MS4A4A: variants seen among roughly 807,000 people sequenced by gnomAD.
MS4A4A encodes the protein membrane spanning 4-domains A4A.
Under a neutral mutation model 28.0 loss-of-function variants are expected in MS4A4A, and 26 were observed. The ratio of observed to expected loss-of-function variants is 0.93; its 90% confidence interval spans 0.68 to 1.29. The LOEUF (loss-of-function observed/expected upper bound fraction) is 1.29, where lower values mean the gene tolerates loss of function less well. MS4A4A is among the 50% of genes most tolerant of loss of function. The pLI is 0.00. For synonymous variants in MS4A4A, 86 were observed against 100.8 expected (o/e 0.85, Z 0.88); for missense variants, 290 against 293.1 (o/e 0.99, Z 0.08).
chr11:60,284,344 T>C (rs1385368753), intron 1 of MS4A4A, among the ~76,000 whole-genome samples: 3 of 152,252 alleles, frequency 2.0e-5, no homozygotes, highest in African/African-American at 7.2e-5. Flanking sequence ...TACTCATTTC[T>C]GGCTTGAAGT....
chr11:60,295,915 T>C (rs1208269447), intron 2 of MS4A4A, among the ~76,000 whole-genome samples: 2 of 152,148 alleles, frequency 1.3e-5, no homozygotes, highest in African/African-American at 4.8e-5. Flanking sequence ...GATTTTTGCA[T>C]ATTTGTTCAT....
At chr11:60,294,503 T>C (rs946880116) in intron 2 of MS4A4A, among the ~76,000 whole-genome samples, 11 of 152,144 alleles carry the variant, frequency 7.2e-5, no homozygotes. Flanking sequence ...TTTGTGCCTT[T>C]GGTATCGTAT....
intron 2 of MS4A4A, among the ~76,000 whole-genome samples, chr11:60,292,709 C>T (rs73487293): frequency 6.6e-6 from 1 of 152,154 alleles, no homozygotes; most frequent in Non-Finnish European, 1.5e-5. Flanking sequence ...CCTTTACAGG[C>T]CTTCCTGATA....
chr11:60,308,097 T>G lies in MS4A4A; in HGVS notation c.649-10T>G. ...GGTGACTCACCTTTGGCATTCTGAT[T>G]GTTTCACAGGTTGTGTTAATTCTGC... On this transcript the variant is annotated splice_polypyrimidine_tract_variant and intron_variant, in intron 6 of 6. Coordinates refer to ENST00000337908, the MANE Select transcript of MS4A4A (RefSeq NM_148975.3). 6.2e-7 allele frequency: 1 copy of G among 1,613,804 alleles called. No homozygotes were observed.
At chr11:60,282,888 TACA>T in intron 1 of MS4A4A, 2 of 535,904 alleles carry the variant, frequency 3.7e-6, no homozygotes, top group South Asian at 4.5e-5. Context: ...TCATTCTGGC[TACA>T]ACATCAGTGG....
intron 1 of MS4A4A, among the ~76,000 whole-genome samples, chr11:60,287,385 T>C (rs970896714): frequency 6.6e-6 from 1 of 151,996 alleles, no homozygotes; most frequent in Non-Finnish European, 1.5e-5. Context: ...TTTTCAGGAG[T>C]CCACTCCTGT....
At chr11:60,293,739 C>T (rs572018982) in intron 2 of MS4A4A, among the ~76,000 whole-genome samples, 6 of 152,154 alleles carry the variant, frequency 3.9e-5, no homozygotes, top group South Asian at 4.2e-4. Context: ...TTTTAGATTG[C>T]GTTCTTTCAC....
rs75036816 is a variant in MS4A4A at position 60,292,266 on chromosome 11, A to G, written c.83A>G (p.Gln28Arg). The G allele has an allele frequency of 1.2e-3, 1,888 of 1,600,516 alleles. 17 individuals carry two copies. The African/African-American group carries it at 0.022, about 19-fold the overall frequency. ...ATGACAACCATGCAAGGAATGGAAC[A>G]GGCCATGCCAGGGGCTGGCCCTGGT... ...AAMTTMQGME[Q>R]AMPGAGPGVP... Residue 28 changes from glutamine to arginine, a missense_variant, in exon 2 of 7, where the codon CAG (glutamine) becomes CGG (arginine). Transcript: ENST00000337908.
At chr11:60,290,909 A>AT (rs879368913) in intron 1 of MS4A4A, among the ~76,000 whole-genome samples, 7 of 151,506 alleles carry the variant, frequency 4.6e-5, no homozygotes, top group African/African-American at 9.7e-5. Flanking sequence ...GAGTACAACA[A>AT]TTTTTTTTTC....
At chr11:60,299,465 T>TG (rs1157375195) in intron 3 of MS4A4A, among the ~76,000 whole-genome samples, 1 of 149,172 alleles carries the variant, frequency 6.7e-6, no homozygotes, top group Non-Finnish European at 1.5e-5. Context: ...TTTTTTTTTT[T>TG]TTGGTTTTTG....
intron 3 of MS4A4A, among the ~76,000 whole-genome samples, chr11:60,299,893 G>A (rs899372232): frequency 2.6e-5 from 4 of 151,894 alleles, no homozygotes; most frequent in African/African-American, 9.7e-5. Context: ...TTCATTAATT[G>A]TGTAAATTAG....
intron 2 of MS4A4A, among the ~76,000 whole-genome samples, chr11:60,292,640 A>G (rs2084867866): frequency 6.6e-6 from 1 of 152,202 alleles, no homozygotes; most frequent in Non-Finnish European, 1.5e-5. Flanking sequence ...ATTGTATTTA[A>G]ACTCAGTGTG....
At position 60,292,017 on chromosome 11, in the gene MS4A4A, T is replaced by G. The variant is rs1432554137; in HGVS notation, c.42-208T>G. On this transcript the variant is annotated intron_variant, in intron 1 of 6. Transcript: ENST00000337908. ...AGGATTTTCTAGCATCTTGATATCA[T>G]ATGACATTTAGTTTCTCTCCCACCT... 2.9e-5 allele frequency among the ~76,000 whole-genome samples: 3 copies of G among 101,962 alleles called. No individual in the cohort carries two copies. In the East Asian group the frequency reaches 8.1e-4, roughly 28 times the overall value. 66.9% of individuals were successfully genotyped at this position (101,962 alleles called of 152,430 possible). A position where few individuals can be genotyped will look rare whatever the true frequency, so the allele number is the denominator to read the frequency against.
intron 2 of MS4A4A, among the ~76,000 whole-genome samples, chr11:60,294,006 G>C (rs112949288): frequency 6.6e-6 from 1 of 152,158 alleles, no homozygotes; most frequent in Non-Finnish European, 1.5e-5. Flanking sequence ...GTAAGTAAGA[G>C]TACGTTTAGT....
At chr11:60,299,686 C>T (rs1590759297) in intron 3 of MS4A4A, among the ~76,000 whole-genome samples, 1 of 151,980 alleles carries the variant, frequency 6.6e-6, no homozygotes, top group African/African-American at 2.4e-5. Context: ...TGGTCTCGAT[C>T]TCCTGGTCTC....
intron 2 of MS4A4A, among the ~76,000 whole-genome samples, chr11:60,293,608 A>G (rs2084876379): frequency 6.6e-6 from 1 of 152,224 alleles, no homozygotes; most frequent in South Asian, 2.1e-4. Flanking sequence ...AGTGATATGA[A>G]TCTACCTTTG....
At chr11:60,307,268 A>G (rs757114938) in intron 6 of MS4A4A, among the ~76,000 whole-genome samples, 1 of 152,174 alleles carries the variant, frequency 6.6e-6, no homozygotes, top group Non-Finnish European at 1.5e-5. Context: ...CCTTCCTCAC[A>G]GAAGAGTGGG....
chr11:60,302,845 A>G, intron 5 of MS4A4A, 128 bp downstream of exon 5: 1 of 886,540 alleles, frequency 1.1e-6, no homozygotes, highest in Non-Finnish European at 1.7e-6. Context: ...TGATTGAGAA[A>G]TAGAATAATC....
chr11:60,280,888 G>T (rs1312571812), intron 1 of MS4A4A, among the ~76,000 whole-genome samples, 172 bp downstream of exon 1: 2 of 151,996 alleles, frequency 1.3e-5, no homozygotes, highest in Non-Finnish European at 2.9e-5. Context: ...GCATTCGGTG[G>T]GGGGATGAGG....
Sources: allele counts gnomAD v4.1 joint callset (sites outside exome capture counted in the v4.1 genomes callset), GRCh38; gene constraint gnomAD v4.1.1; transcripts MANE v1.5; gene names NCBI Gene and HGNC (gene_info 2026-07-23, HGNC 2026-07-21).